Variants in EMP1 observed in about 807,000 individuals in gnomAD.
The protein encoded by EMP1 is epithelial membrane protein 1.
A neutral mutation model predicts 15.7 loss-of-function variants in EMP1; 5 were observed. That is an observed-to-expected ratio of 0.32 (90% CI 0.17 to 0.67). EMP1 has a LOEUF of 0.67. EMP1 is among the 30% of genes least tolerant of loss of function. EMP1 has a pLI of 0.74. For synonymous variants in EMP1, 78 were observed against 76.7 expected (o/e 1.02, Z -0.09); for missense variants, 166 against 194.2 (o/e 0.85, Z 0.86).
intron 4 of EMP1, 43 bp downstream of exon 4, chr12:13,213,864 C>T (rs1207922662): frequency 3.1e-6 from 5 of 1,609,234 alleles, no homozygotes; most frequent in Admixed American, 1.7e-5. Flanking sequence ...CTTTTAAGTC[C>T]ATCTTACCAT....
intron 1 of EMP1, among the ~76,000 whole-genome samples, chr12:13,205,393 T>C (rs1864102629): frequency 1.3e-5 from 2 of 152,098 alleles, no homozygotes; most frequent in Non-Finnish European, 2.9e-5. Flanking sequence ...TATATAGAAA[T>C]ATATAACAAA....
intron 1 of EMP1, among the ~76,000 whole-genome samples, chr12:13,208,007 G>A (rs2121154373): frequency 6.6e-6 from 1 of 152,314 alleles, no homozygotes; most frequent in South Asian, 2.1e-4. Context: ...TCTGCATCTT[G>A]GTTTGCGCTG....
chr12:13,203,452 G>A (rs1207156446), intron 1 of EMP1, among the ~76,000 whole-genome samples: 1 of 152,226 alleles, frequency 6.6e-6, no homozygotes, highest in African/African-American at 2.4e-5. Flanking sequence ...CCCTGGACAC[G>A]AAGGAGGACA....
chr12:13,216,239 T>A lies in EMP1; in HGVS notation c.*1548T>A, dbSNP rs1864214270. The A allele has an allele frequency of 1.7e-6, 1 of 605,214 alleles. No individual in the cohort carries two copies. Among genetic ancestry groups the A allele is most frequent in the Admixed American group, 2.9e-5 (1 of 34,338 alleles). The allele number at this position is 605,214 out of a possible 1,614,324, so 37.5% of individuals were successfully genotyped here. On this transcript the variant is annotated 3_prime_UTR_variant, in exon 5 of 5. Coordinates refer to ENST00000256951, the MANE Select transcript of EMP1 (RefSeq NM_001423.3). ...AGAATCTGAGACATCTTGCCTACTT[T>A]TCTTTATTAGCTTTCTCCTCATCCA...
intron 1 of EMP1, among the ~76,000 whole-genome samples, chr12:13,208,887 A>G (rs1015723066): frequency 1.3e-5 from 2 of 152,142 alleles, no homozygotes; most frequent in African/African-American, 4.8e-5. Context: ...GCTGTGATGC[A>G]TGGGCCCAGG....
chr12:13,203,425 G>T (rs1344317563), intron 1 of EMP1, among the ~76,000 whole-genome samples: 1 of 152,220 alleles, frequency 6.6e-6, no homozygotes, highest in Non-Finnish European at 1.5e-5. Context: ...TGCAGATGTT[G>T]CCCAGATCCA....
chr12:13,210,156 T>C (rs911491536), intron 1 of EMP1, among the ~76,000 whole-genome samples: 1 of 152,206 alleles, frequency 6.6e-6, no homozygotes. Context: ...ATAGTATCAG[T>C]GCTCTCTAAT....
Position 13,215,812 on chromosome 12 carries a change from A to G in EMP1, c.*1121A>G, listed in dbSNP as rs1470123445. On this transcript the variant is annotated 3_prime_UTR_variant, in exon 5 of 5. Transcript: ENST00000256951. ...GCATGGCAATTCTGGAAGCTGATTA[A>G]AACACACATAAACCAAAACCAAACA... 2.0e-5 allele frequency: 3 copies of G among 153,728 alleles called. No homozygotes were observed. The highest frequency in any genetic ancestry group is 4.4e-5 in the Non-Finnish European group (3 of 68,870). The allele number at this position is 153,728 out of a possible 1,614,324, so 9.5% of individuals were successfully genotyped here.
chr12:13,203,204 C>A (rs936586468), intron 1 of EMP1, among the ~76,000 whole-genome samples: 1 of 152,252 alleles, frequency 6.6e-6, no homozygotes, highest in Admixed American at 6.5e-5. Context: ...GGCCGGGCCA[C>A]ACCTAGGTTT....
chr12:13,203,024 C>G (rs1230699867), intron 1 of EMP1, among the ~76,000 whole-genome samples: 1 of 152,162 alleles, frequency 6.6e-6, no homozygotes, highest in Non-Finnish European at 1.5e-5. Context: ...CAATGCCTCT[C>G]AACCTCTAAA....
intron 1 of EMP1, among the ~76,000 whole-genome samples, chr12:13,200,722 TG>T (rs1435136000): frequency 2.0e-5 from 3 of 152,230 alleles, no homozygotes; most frequent in Non-Finnish European, 2.9e-5. Flanking sequence ...AGCAGAAAGA[TG>T]AAAGCACAAA....
In EMP1 at chr12:13,211,104, C is replaced by T. The variant is rs1864160867; in HGVS notation, c.-42-365C>T. 6.6e-6 allele frequency among the ~76,000 whole-genome samples: 1 copy of T among 152,202 alleles called. No individual in the cohort carries two copies. The highest frequency in any genetic ancestry group is 2.4e-5 in the African/African-American group (1 of 41,442). ...TCAGAGACCTGGAAATTATAAAGGC[C>T]TACTTCTTTGAAAATCAAAGTCCTA... is the stretch of plus-strand genomic sequence containing the variant. On this transcript the variant is annotated intron_variant, in intron 1 of 4. Transcript: ENST00000256951. The surrounding 1 kb of genome is among the most constrained non-coding windows in gnomAD (Gnocchi z 4.7).
In EMP1 at chr12:13,216,784, TG is replaced by T. The variant is rs1864220094; in HGVS notation, c.*2094del. 1 of 229,140 alleles carries T rather than the reference TG, an allele frequency of 4.4e-6. No homozygotes were observed. Among genetic ancestry groups the T allele is most frequent in the Non-Finnish European group, 8.4e-6 (1 of 118,400 alleles). The allele number at this position is 229,140 out of a possible 1,614,324, so 14.2% of individuals were successfully genotyped here. ...ATTCTGATTCCCTTCATTGTGTGAA[TG>T]TTTTTTTCTAAAAAAAATGTGGAGA... On this transcript the variant is annotated 3_prime_UTR_variant, in exon 5 of 5. Coordinates refer to ENST00000256951, the MANE Select transcript of EMP1 (RefSeq NM_001423.3).
Position 13,213,383 on chromosome 12 carries a change from T to C in EMP1, c.79-96T>C, listed in dbSNP as rs6488598. On this transcript the variant is annotated intron_variant, in intron 2 of 4. Transcript: ENST00000256951. Reference sequence around the variant, plus strand: ...TAGTTATAGCTAAATAGAATGTCTTTATTAAAATCTGATCCCGATGCAAGC... The same window carrying C: ...TAGTTATAGCTAAATAGAATGTCTTCATTAAAATCTGATCCCGATGCAAGC... The C allele has an allele frequency of 1.8e-3, 2,013 of 1,106,376 alleles. 34 individuals are homozygous for C. The African/African-American group carries it at 0.029, about 16-fold the overall frequency. The allele number at this position is 1,106,376 out of a possible 1,614,324, so 68.5% of individuals were successfully genotyped here.
intron 1 of EMP1, among the ~76,000 whole-genome samples, chr12:13,203,491 T>C (rs1163630596): frequency 6.6e-6 from 1 of 152,216 alleles, no homozygotes; most frequent in African/African-American, 2.4e-5. Context: ...AGGTTATTCT[T>C]CTTGGGAGCA....
intron 1 of EMP1, among the ~76,000 whole-genome samples, chr12:13,204,037 GA>G (rs1174238664): frequency 1.3e-5 from 2 of 152,028 alleles, no homozygotes; most frequent in African/African-American, 4.8e-5. Context: ...TTTGGAAGAT[GA>G]AAAAAATAAT....
In EMP1 at chr12:13,211,376, T is replaced by C. The variant is rs2121159064; in HGVS notation, c.-42-93T>C. 1.2e-6 allele frequency: 1 copy of C among 819,460 alleles called. No individual in the cohort carries two copies. Among genetic ancestry groups the C allele is most frequent in the Non-Finnish European group, 2.0e-6 (1 of 492,260 alleles). 50.8% of individuals were successfully genotyped at this position (819,460 alleles called of 1,614,324 possible). On this transcript the variant is annotated intron_variant, in intron 1 of 4. Transcript: ENST00000256951. The surrounding 1 kb of genome is among the most constrained non-coding windows in gnomAD (Gnocchi z 4.7). ...TGATGGTTTTTAGTGCAGCTCTTCC[T>C]CATGTTAGCAGATAGCCCACACGTG...
chr12:13,217,477 A>G lies in EMP1; in HGVS notation c.*2786A>G, dbSNP rs1864224688. The G allele has an allele frequency of 6.6e-6, 1 of 152,218 alleles. No homozygotes were observed. The highest frequency in any genetic ancestry group is 1.5e-5 in the Non-Finnish European group (1 of 68,038). The allele number at this position is 152,218 out of a possible 1,614,324, so 9.4% of individuals were successfully genotyped here. ...TAAGTCAATTAATCAAATTGCATTG[A>G]TTCTTGATGCTTTCTTAGAGGCCTA... is the stretch of plus-strand genomic sequence containing the variant. On this transcript the variant is annotated 3_prime_UTR_variant, in exon 5 of 5. Transcript: ENST00000256951.
intron 4 of EMP1, 144 bp downstream of exon 4, chr12:13,213,965 A>G (rs1200687812): frequency 4.0e-6 from 5 of 1,238,314 alleles, no homozygotes; most frequent in Admixed American, 3.8e-5. Flanking sequence ...TCTCTTGTGG[A>G]GAACCTTGGA....
Sources: allele counts gnomAD v4.1 joint callset (sites outside exome capture counted in the v4.1 genomes callset), GRCh38; gene constraint gnomAD v4.1.1; non-coding constraint Gnocchi (gnomAD v3.1); transcripts MANE v1.5; gene names NCBI Gene and HGNC (gene_info 2026-07-23, HGNC 2026-07-21).